KCNMA1: variants seen among roughly 807,000 people sequenced by gnomAD.
KCNMA1 encodes the protein Calcium-activated potassium channel subunit alpha-1.
A neutral mutation model predicts 140.0 loss-of-function variants in KCNMA1; 29 were observed. The observed-to-expected ratio is 0.21, with a 90% CI of 0.15 to 0.28. The LOEUF (loss-of-function observed/expected upper bound fraction) is 0.28. Among genes scored for constraint, KCNMA1 ranks in the 10% least tolerant of loss-of-function variants. KCNMA1 has a pLI of 1.00. For missense variants in KCNMA1, 880 were observed against 1,602.2 expected, an observed-to-expected ratio of 0.55 and a Z score of 7.70; for synonymous variants, 612 against 611.9, an observed-to-expected ratio of 1.00 and a Z score of 0.00.
At chr10:77,266,079 C>CAAAA (rs71975813) in intron 2 of KCNMA1, among the ~76,000 whole-genome samples, 3,958 of 137,400 alleles carry the variant, frequency 0.029, 91 homozygotes, top group Middle Eastern at 0.049. Context: ...GAAAACCTGC[C>CAAAA]AAAAAAAAAA....
At chr10:77,264,441 T>C (rs1435867851) in intron 2 of KCNMA1, among the ~76,000 whole-genome samples, 2 of 152,200 alleles carry the variant, frequency 1.3e-5, no homozygotes, top group African/African-American at 2.4e-5. Flanking sequence ...AGTCTGTCTG[T>C]AGAATGTCAC....
rs76150744 is a variant in KCNMA1 at position 77,560,551 on chromosome 10, G to A, written c.378+76714C>T. On this transcript the variant is annotated intron_variant, in intron 1 of 27. Coordinates refer to ENST00000286628, the MANE Select transcript of KCNMA1 (RefSeq NM_001161352.2). ...GTGGTTCTCAGTCCATGCAGCCTGC[G>A]GACTTTGCTTTTCTTCTAAGCAGCT... Among the ~76,000 whole-genome samples, 582 of 152,270 alleles carry A rather than the reference G, an allele frequency of 3.8e-3. 3 individuals are homozygous for A. The highest frequency in any genetic ancestry group is 0.013 in the African/African-American group (542 of 41,550).
At chr10:77,224,264 C>A (rs537949435) in intron 3 of KCNMA1, among the ~76,000 whole-genome samples, 1 of 152,236 alleles carries the variant, frequency 6.6e-6, no homozygotes, top group Non-Finnish European at 1.5e-5. Context: ...TAGCCCCAGA[C>A]TGGGAGAGGA....
chr10:76,877,656 G>T (rs1388629879), downstream of KCNMA1: 6 of 1,330,858 alleles, frequency 4.5e-6, no homozygotes, highest in Non-Finnish European at 6.3e-6. Flanking sequence ...TTCCACCAGT[G>T]ATTCAGCATG....
chr10:76,937,609 A>G (rs1421187746), intron 23 of KCNMA1, among the ~76,000 whole-genome samples: 1 of 152,242 alleles, frequency 6.6e-6, no homozygotes, highest in Admixed American at 6.5e-5. Flanking sequence ...CCAGTAATTT[A>G]GAGATCCTAA....
At chr10:77,309,642 C>G (rs1295682456) in intron 2 of KCNMA1, 2 of 152,230 alleles carry the variant, frequency 1.3e-5, no homozygotes, top group African/African-American at 4.8e-5. Context: ...ATATTTTCCC[C>G]CTACCCACCT....
At chr10:77,354,053 C>A (rs1018770039) in intron 2 of KCNMA1, among the ~76,000 whole-genome samples, 2 of 151,388 alleles carry the variant, frequency 1.3e-5, no homozygotes, top group African/African-American at 4.9e-5. Context: ...GTGGTGCAAT[C>A]TCGGCTAACT....
intron 2 of KCNMA1, among the ~76,000 whole-genome samples, chr10:77,275,218 T>C (rs1401431145): frequency 1.3e-5 from 2 of 152,174 alleles, no homozygotes; most frequent in Non-Finnish European, 2.9e-5. Flanking sequence ...AGCACAACCC[T>C]GAGCTTCAGG....
intron 12 of KCNMA1, 96 bp from the exon 13 acceptor site, chr10:77,079,646 G>A: frequency 1.2e-6 from 1 of 854,280 alleles, no homozygotes; most frequent in Non-Finnish European, 2.0e-6. Context: ...GGTACCCATG[G>A]GACTGAGGTA....
intron 5 of KCNMA1, among the ~76,000 whole-genome samples, chr10:77,126,462 A>G (rs2097734832): frequency 6.6e-6 from 1 of 152,198 alleles, no homozygotes; most frequent in Non-Finnish European, 1.5e-5. Context: ...TATCACACTA[A>G]TGACTAACAA....
intron 5 of KCNMA1, among the ~76,000 whole-genome samples, chr10:77,163,632 TA>T (rs1244790631): frequency 2.6e-5 from 4 of 152,174 alleles, no homozygotes; most frequent in African/African-American, 9.7e-5. Context: ...GCTCATCAAG[TA>T]ACCTTCCAAG....
chr10:76,914,724 A>T (rs1590424038), intron 24 of KCNMA1: 2 of 497,248 alleles, frequency 4.0e-6, no homozygotes, highest in East Asian at 7.4e-5. Context: ...GCATGAAGGA[A>T]ACTGTCTATT....
At chr10:76,968,428 T>C (rs1036953549) in intron 20 of KCNMA1, among the ~76,000 whole-genome samples, 3 of 152,222 alleles carry the variant, frequency 2.0e-5, no homozygotes, top group South Asian at 2.1e-4. Flanking sequence ...ATACTTTACA[T>C]AGCAAACAGG....
At chr10:77,472,854 G>C (rs864026) in intron 1 of KCNMA1, among the ~76,000 whole-genome samples, 26,969 of 152,202 alleles carry the variant, frequency 0.18, 2,769 homozygotes, top group African/African-American at 0.27. Context: ...CCAGAGATCA[G>C]AGGAGTGAAG....
chr10:77,372,048 A>G (rs1295361593), intron 2 of KCNMA1, among the ~76,000 whole-genome samples: 1 of 152,172 alleles, frequency 6.6e-6, no homozygotes, highest in Non-Finnish European at 1.5e-5. Context: ...TCTTGAGTTC[A>G]CATTTGTTTG....
intron 23 of KCNMA1, among the ~76,000 whole-genome samples, chr10:76,918,607 G>A (rs1445413680): frequency 3.3e-5 from 5 of 152,156 alleles, no homozygotes; most frequent in Non-Finnish European, 7.3e-5. Flanking sequence ...TGGCATGGAT[G>A]CGGTGAACAG....
At chr10:76,974,638 T>C in intron 19 of KCNMA1, 2 of 1,132,900 alleles carry the variant, frequency 1.8e-6, no homozygotes, top group Admixed American at 4.1e-5. Context: ...TTTAGAAAAG[T>C]TCCAAACAAT....
intron 2 of KCNMA1, among the ~76,000 whole-genome samples, chr10:77,371,445 A>T (rs1368005768): frequency 1.3e-5 from 2 of 152,216 alleles, no homozygotes; most frequent in Non-Finnish European, 2.9e-5. Flanking sequence ...TGCATGGGTC[A>T]GCAGTCTTGA....
chr10:76,990,486 T>C (rs1054770018), intron 19 of KCNMA1, among the ~76,000 whole-genome samples: 2 of 152,172 alleles, frequency 1.3e-5, no homozygotes, highest in Non-Finnish European at 2.9e-5. Flanking sequence ...ATCTTCATCT[T>C]AATAGAAGAT....
Sources: allele counts gnomAD v4.1 joint callset (sites outside exome capture counted in the v4.1 genomes callset), GRCh38; gene constraint gnomAD v4.1.1; transcripts MANE v1.5; gene names NCBI Gene and HGNC (gene_info 2026-07-23, HGNC 2026-07-21).